AGBL1: variants seen among roughly 807,000 people sequenced by gnomAD.
AGBL1 encodes the protein cytosolic carboxypeptidase 4.
AGBL1 carries 130 observed loss-of-function variants against 118.9 expected under a neutral mutation model. The ratio of observed to expected loss-of-function variants is 1.09; its 90% confidence interval spans 0.95 to 1.26. The LOEUF (loss-of-function observed/expected upper bound fraction) is 1.26, where lower values mean the gene tolerates loss of function less well. Among genes scored for constraint, AGBL1 ranks in the 50% most tolerant of loss-of-function variants. The pLI is 0.00. For synonymous variants in AGBL1, 555 were observed against 478.9 expected (o/e 1.16, Z -2.08); for missense variants, 1,584 against 1,298.1 (o/e 1.22, Z -3.38).
intron 21 of AGBL1, among the ~76,000 whole-genome samples, chr15:86,573,031 A>G (rs1423488348): frequency 6.6e-6 from 1 of 152,232 alleles, no homozygotes; most frequent in African/African-American, 2.4e-5. Context: ...TTTTTAGAAT[A>G]CCTTGAATCC....
chr15:86,829,111 C>G (rs2079071401), intron 22 of AGBL1, among the ~76,000 whole-genome samples: 1 of 151,832 alleles, frequency 6.6e-6, no homozygotes, highest in Non-Finnish European at 1.5e-5. Flanking sequence ...AGAAGATAAT[C>G]TCAACAGAGC....
chr15:86,192,983 CTTAAT>C (rs1305583846), intron 5 of AGBL1, among the ~76,000 whole-genome samples: 6 of 151,894 alleles, frequency 4.0e-5, no homozygotes, highest in Non-Finnish European at 7.4e-5. Context: ...TAATTTTGTA[CTTAAT>C]TTATTTCACA....
intron 5 of AGBL1, among the ~76,000 whole-genome samples, chr15:86,163,441 A>G (rs1448124698): frequency 1.3e-5 from 2 of 152,074 alleles, no homozygotes; most frequent in Non-Finnish European, 2.9e-5. Context: ...AAATAAATAA[A>G]TGAGGGCTGG....
At chr15:86,635,171 G>A (rs2085054667) in intron 21 of AGBL1, among the ~76,000 whole-genome samples, 1 of 151,176 alleles carries the variant, frequency 6.6e-6, no homozygotes. Flanking sequence ...AAGACTAAAA[G>A]AACTAGAGTT....
intron 17 of AGBL1, among the ~76,000 whole-genome samples, chr15:86,384,489 C>T (rs577250855): frequency 9.9e-5 from 15 of 152,248 alleles, no homozygotes; most frequent in African/African-American, 3.6e-4. Context: ...TTTCTCAAAC[C>T]CAACCCAAAT....
chr15:86,353,408 C>T (rs569133802), intron 17 of AGBL1, among the ~76,000 whole-genome samples: 1 of 152,274 alleles, frequency 6.6e-6, no homozygotes, highest in South Asian at 2.1e-4. Context: ...AATGGGCTGC[C>T]ACTGAGGTCA....
intron 17 of AGBL1, chr15:86,295,662 T>C: frequency 3.3e-6 from 1 of 304,860 alleles, no homozygotes. Context: ...CTAATGATGG[T>C]CACTTCCTCT....
intron 18 of AGBL1, among the ~76,000 whole-genome samples, chr15:86,467,581 G>T (rs532777561): frequency 3.3e-5 from 5 of 152,330 alleles, no homozygotes; most frequent in African/African-American, 1.2e-4. Flanking sequence ...TTTTGTTCTT[G>T]AAACCCAGGG....
At chr15:86,410,610 A>G (rs2142008476) in intron 18 of AGBL1, among the ~76,000 whole-genome samples, 2 of 151,366 alleles carry the variant, frequency 1.3e-5, no homozygotes, top group South Asian at 2.1e-4. Flanking sequence ...AACAAAGGTA[A>G]TGGTTCCTTT....
rs1285331143 is a variant in AGBL1 at position 86,264,323 on chromosome 15, C to A, written c.1152C>A (p.His384Gln). The change falls in exon 11 of 23, where the codon CAC becomes CAA. Residue 384 changes from histidine to glutamine, a missense_variant. Physicochemically the swap from His to Gln is conservative, Grantham distance 24. Transcript: ENST00000614907. Reference protein sequence around the residue: ...SEKTQYANHHHIPAAASSKQH... With the variant: ...SEKTQYANHHQIPAAASSKQH... ...AGACTCAGTATGCCAATCACCACCA[C>A]ATTCCAGCCGCTGCCTCCTCAAAAC... 1.2e-6 allele frequency: 2 copies of A among 1,611,686 alleles called. No homozygotes were observed. Among genetic ancestry groups the A allele is most frequent in the African/African-American group, 2.7e-5 (2 of 75,022 alleles).
intron 17 of AGBL1, chr15:86,305,002 G>A (rs947216954): frequency 1.3e-5 from 2 of 152,104 alleles, no homozygotes; most frequent in Non-Finnish European, 2.9e-5. Flanking sequence ...ATGCCTCCAA[G>A]GTTCAGATGC....
intron 5 of AGBL1, among the ~76,000 whole-genome samples, chr15:86,183,814 C>T (rs1420449986): frequency 3.3e-5 from 5 of 152,090 alleles, no homozygotes; most frequent in African/African-American, 4.8e-5. Flanking sequence ...CAGATGATGC[C>T]GTTACGAAAT....
chr15:86,244,048 T>C (rs2078679097), intron 6 of AGBL1, among the ~76,000 whole-genome samples: 1 of 111,946 alleles, frequency 8.9e-6, no homozygotes, highest in African/African-American at 4.2e-5. Context: ...GATAGATAGA[T>C]AGATAGATAA....
intron 22 of AGBL1, among the ~76,000 whole-genome samples, chr15:86,682,692 C>T (rs1409638944): frequency 1.3e-5 from 2 of 151,950 alleles, no homozygotes; most frequent in Non-Finnish European, 2.9e-5. Context: ...AACTCAAATT[C>T]TTAGCAGTAA....
chr15:86,276,823 C>A (rs2079260095), intron 15 of AGBL1, among the ~76,000 whole-genome samples: 2 of 152,204 alleles, frequency 1.3e-5, no homozygotes, highest in Non-Finnish European at 2.9e-5. Flanking sequence ...CACATCATAA[C>A]TGGGAAACGA....
intron 17 of AGBL1, among the ~76,000 whole-genome samples, chr15:86,377,713 C>T (rs932998786): frequency 1.3e-5 from 2 of 152,138 alleles, no homozygotes; most frequent in African/African-American, 2.4e-5. Flanking sequence ...GGGCCGCCCT[C>T]GTCCAGGTGG....
chr15:86,691,781 C>G (rs992935855), intron 22 of AGBL1, among the ~76,000 whole-genome samples: 4 of 152,108 alleles, frequency 2.6e-5, no homozygotes, highest in African/African-American at 9.7e-5. Context: ...AACATTATTG[C>G]TAATCCATAA....
At chr15:86,493,173 A>G (rs945736781) in intron 18 of AGBL1, among the ~76,000 whole-genome samples, 12 of 152,096 alleles carry the variant, frequency 7.9e-5, no homozygotes, top group Non-Finnish European at 1.6e-4. Flanking sequence ...CAGCCTGGTG[A>G]CAGAGTGAGA....
intron 7 of AGBL1, among the ~76,000 whole-genome samples, chr15:86,252,422 G>C (rs2078830994): frequency 6.6e-6 from 1 of 152,212 alleles, no homozygotes; most frequent in Non-Finnish European, 1.5e-5. Context: ...AATGTTTTCT[G>C]AGCTCCTTCT....
Sources: allele counts gnomAD v4.1 joint callset (sites outside exome capture counted in the v4.1 genomes callset), GRCh38; gene constraint gnomAD v4.1.1; transcripts MANE v1.5; gene names NCBI Gene and HGNC (gene_info 2026-07-23, HGNC 2026-07-21).